The following NRG1 variants were observed in gnomAD, a reference collection of about 807,000 sequenced individuals.
NRG1 encodes the protein pro-neuregulin-1, membrane-bound isoform.
In NRG1, 18 loss-of-function variants were observed where a neutral mutation model predicts 63.8. The observed-to-expected ratio is 0.28, with a 90% CI of 0.19 to 0.42. The LOEUF (loss-of-function observed/expected upper bound fraction) is 0.42, where lower values mean the gene tolerates loss of function less well. NRG1 is among the 10% of genes least tolerant of loss of function. The pLI, the probability that NRG1 is intolerant of heterozygous loss-of-function variation, is 1.00. For synonymous variants in NRG1, 302 were observed against 301.3 expected (o/e 1.00, Z -0.02); for missense variants, 762 against 814.7 (o/e 0.94, Z 0.79).
At chr8:32,539,671 G>A (rs12546350) in intron 1 of NRG1, among the ~76,000 whole-genome samples, 21,346 of 151,936 alleles carry the variant, frequency 0.14, 1,720 homozygotes, top group Admixed American at 0.26. Flanking sequence ...AAACATTTAC[G>A]AATTATCAAC....
intron 1 of NRG1, among the ~76,000 whole-genome samples, chr8:32,228,300 G>C (rs568686894): frequency 1.8e-4 from 28 of 152,140 alleles, no homozygotes; most frequent in Non-Finnish European, 2.6e-4. Context: ...GTTCACAAAT[G>C]AAAGTTAATA....
chr8:32,322,552 G>T (rs1801536213), intron 1 of NRG1, among the ~76,000 whole-genome samples: 1 of 151,910 alleles, frequency 6.6e-6, no homozygotes, highest in African/African-American at 2.4e-5. Context: ...CTTATTCCTG[G>T]AGTTATATCC....
At chr8:31,838,810 G>A (rs1825920563) in intron 1 of NRG1, among the ~76,000 whole-genome samples, 1 of 152,026 alleles carries the variant, frequency 6.6e-6, no homozygotes, top group African/African-American at 2.4e-5. Context: ...GTTATTTTAT[G>A]TTTTCCAAAG....
intron 1 of NRG1, among the ~76,000 whole-genome samples, chr8:32,345,776 C>T (rs1804804269): frequency 6.6e-6 from 1 of 151,962 alleles, no homozygotes; most frequent in Non-Finnish European, 1.5e-5. Flanking sequence ...TCGAGACCAG[C>T]CTGACTAACA....
At chr8:31,671,332 A>G (rs1043136049) in intron 1 of NRG1, among the ~76,000 whole-genome samples, 2 of 152,214 alleles carry the variant, frequency 1.3e-5, no homozygotes, top group African/African-American at 4.8e-5. Context: ...ATAGAAGATC[A>G]AAACCTTTTT....
chr8:32,341,862 A>G (rs1346131244), intron 1 of NRG1, among the ~76,000 whole-genome samples: 1 of 152,224 alleles, frequency 6.6e-6, no homozygotes, highest in East Asian at 1.9e-4. Flanking sequence ...CATTTTATTC[A>G]TAGTAATTCA....
chr8:32,687,461 T>C (rs920245089), intron 5 of NRG1, among the ~76,000 whole-genome samples: 1 of 152,072 alleles, frequency 6.6e-6, no homozygotes, highest in African/African-American at 2.4e-5. Flanking sequence ...AAACCACATA[T>C]GAAATTAGCA....
At chr8:32,770,017 A>G (rs2129066162), downstream of NRG1, among the ~76,000 whole-genome samples, 1 of 152,324 alleles carries the variant, frequency 6.6e-6, no homozygotes, top group East Asian at 1.9e-4. Flanking sequence ...TAAAGAAGAG[A>G]CAGAGAATGG....
intron 1 of NRG1, among the ~76,000 whole-genome samples, chr8:31,765,229 T>A (rs932205578): frequency 6.6e-6 from 1 of 152,198 alleles, no homozygotes; most frequent in Admixed American, 6.5e-5. Flanking sequence ...GCACTTTTTT[T>A]ATAGATTCTT....
chr8:31,639,332 C>A (rs1803505259), exon 1 of NRG1: 2 of 1,528,542 alleles, frequency 1.3e-6, no homozygotes, highest in Non-Finnish European at 1.8e-6. Flanking sequence ...AGGGAGGAGG[C>A]GCGCGGGGAC....
At chr8:32,724,830 A>G (rs1821664932) in intron 5 of NRG1, among the ~76,000 whole-genome samples, 1 of 152,160 alleles carries the variant, frequency 6.6e-6, no homozygotes, top group South Asian at 2.1e-4. Context: ...GATACTTGCT[A>G]CTTCATTTCC....
chr8:31,763,448 T>C (rs143936845), intron 1 of NRG1, among the ~76,000 whole-genome samples: 1 of 152,232 alleles, frequency 6.6e-6, no homozygotes, highest in African/African-American at 2.4e-5. Context: ...CCACACCAGA[T>C]TGGGAGCACA....
chr8:32,396,944 A>C (rs1587359622), intron 1 of NRG1, among the ~76,000 whole-genome samples: 1 of 152,044 alleles, frequency 6.6e-6, no homozygotes, highest in Non-Finnish European at 1.5e-5. Context: ...TCTATTACTC[A>C]CCTTAAAATT....
intron 1 of NRG1, among the ~76,000 whole-genome samples, chr8:31,969,146 A>T (rs1161292439): frequency 6.6e-6 from 1 of 152,182 alleles, no homozygotes; most frequent in Non-Finnish European, 1.5e-5. Context: ...ACTCCATGTG[A>T]CATTCCTTCC....
intron 1 of NRG1, among the ~76,000 whole-genome samples, chr8:32,083,859 C>A (rs555443577): frequency 2.0e-5 from 3 of 151,826 alleles, no homozygotes; most frequent in Non-Finnish European, 4.4e-5. Context: ...ATAATGGTAG[C>A]GGTAATTATA....
intron 1 of NRG1, among the ~76,000 whole-genome samples, chr8:31,734,693 A>G (rs190604792): frequency 1.3e-5 from 2 of 152,284 alleles, no homozygotes; most frequent in African/African-American, 2.4e-5. Context: ...TTTTCTCTGG[A>G]TGTTACTGCA....
At chr8:32,457,733 T>C (rs1196559172) in intron 1 of NRG1, among the ~76,000 whole-genome samples, 6 of 152,124 alleles carry the variant, frequency 3.9e-5, no homozygotes, top group Admixed American at 3.9e-4. Flanking sequence ...AGGACTTTTT[T>C]GGGGAAAGTT....
intron 1 of NRG1, among the ~76,000 whole-genome samples, chr8:32,171,218 A>G (rs1839994794): frequency 6.6e-6 from 1 of 152,256 alleles, no homozygotes; most frequent in Admixed American, 6.5e-5. Flanking sequence ...GAAATTGTTC[A>G]GCAAATTATA....
At chr8:32,279,343 A>G (rs1287981160) in intron 1 of NRG1, among the ~76,000 whole-genome samples, 3 of 152,000 alleles carry the variant, frequency 2.0e-5, no homozygotes, top group African/African-American at 7.2e-5. Context: ...GAGGCTCAAA[A>G]AGTTGTTTTT....
Sources: allele counts gnomAD v4.1 joint callset (sites outside exome capture counted in the v4.1 genomes callset), GRCh38; gene constraint gnomAD v4.1.1; transcripts MANE v1.5; gene names NCBI Gene and HGNC (gene_info 2026-07-23, HGNC 2026-07-21).